ARHGEF3: variants seen among roughly 807,000 people sequenced by gnomAD.
ARHGEF3 encodes 59.8 kDA protein.
A neutral mutation model predicts 63.2 loss-of-function variants in ARHGEF3; 28 were observed. The ratio of observed to expected loss-of-function variants is 0.44; its 90% CI spans 0.33 to 0.61. The LOEUF is 0.61. Ranked by LOEUF, ARHGEF3 falls within the 20% of genes least tolerant of loss-of-function variation. The pLI, the probability that ARHGEF3 is intolerant of heterozygous loss-of-function variation, is 0.03. For synonymous variants in ARHGEF3, 266 were observed against 254.2 expected (o/e 1.05, Z -0.44); for missense variants, 533 against 659.3 (o/e 0.81, Z 2.10).
chr3:57,062,404 C>G (rs1431619960), intron 1 of ARHGEF3, among the ~76,000 whole-genome samples: 1 of 152,192 alleles, frequency 6.6e-6, no homozygotes, highest in African/African-American at 2.4e-5. Flanking sequence ...TAGGCCCAGC[C>G]AGGACCACAG....
intron 1 of ARHGEF3, among the ~76,000 whole-genome samples, chr3:57,041,684 C>T (rs1704192245): frequency 6.6e-6 from 1 of 152,234 alleles, no homozygotes; most frequent in South Asian, 2.1e-4. Context: ...CTTGCTCTGC[C>T]TCATGCTTGG....
In ARHGEF3 at chr3:56,737,255, T is replaced by A. The variant is rs1291929489; in HGVS notation, c.971A>T (p.Gln324Leu). ...AGAGCTGTCGATCAGGGAGTCTTTC[T>A]GGCCTTCTTCCAAGTAAAGAAGCCG... ...KERLLYLEEG[Q>L]KDSLIDSSRV... is the part of the protein sequence containing the mutation. Residue 324 changes from glutamine to leucine, a missense_variant, in exon 8 of 10, where the codon CAG becomes CTG. Gln to Leu is a moderately radical substitution (Grantham distance 113). Transcript: ENST00000296315. The A allele has an allele frequency of 1.9e-6, 3 of 1,614,118 alleles. No individual in the cohort carries two copies. Among genetic ancestry groups the A allele is most frequent in the South Asian group, 2.2e-5 (2 of 91,086 alleles).
At chr3:57,066,692 G>A (rs1705557388) in intron 1 of ARHGEF3, among the ~76,000 whole-genome samples, 1 of 152,254 alleles carries the variant, frequency 6.6e-6, no homozygotes, top group Non-Finnish European at 1.5e-5. Context: ...ACATTTCTGT[G>A]AAGGTATTTT....
intron 3 of ARHGEF3, among the ~76,000 whole-genome samples, chr3:56,911,933 A>T (rs546281241): frequency 6.6e-6 from 1 of 151,762 alleles, no homozygotes; most frequent in Non-Finnish European, 1.5e-5. Context: ...ACTGTCTCTA[A>T]AAGAAAAAAA....
chr3:56,821,759 T>A (rs2038502107), intron 4 of ARHGEF3, among the ~76,000 whole-genome samples: 1 of 151,946 alleles, frequency 6.6e-6, no homozygotes, highest in Non-Finnish European at 1.5e-5. Flanking sequence ...AGGTCAGAAG[T>A]TTGAGACCAG....
chr3:56,992,523 G>A (rs1158823686), intron 2 of ARHGEF3, among the ~76,000 whole-genome samples: 1 of 151,440 alleles, frequency 6.6e-6, no homozygotes, highest in African/African-American at 2.4e-5. Context: ...CCAGACACAT[G>A]CAGTGGCTAA....
chr3:56,762,510 C>T (rs764786571), intron 2 of ARHGEF3, among the ~76,000 whole-genome samples: 2 of 152,204 alleles, frequency 1.3e-5, no homozygotes, highest in East Asian at 3.9e-4. Context: ...GTGGCATGTG[C>T]GCTTTACACG....
At chr3:57,062,931 G>A (rs1317221952) in intron 1 of ARHGEF3, among the ~76,000 whole-genome samples, 5 of 152,138 alleles carry the variant, frequency 3.3e-5, no homozygotes, top group Non-Finnish European at 5.9e-5. Flanking sequence ...CTGCCCTCAT[G>A]GAATTTACAT....
At chr3:56,903,042 T>C (rs1465076858) in intron 3 of ARHGEF3, among the ~76,000 whole-genome samples, 1 of 149,376 alleles carries the variant, frequency 6.7e-6, no homozygotes. Flanking sequence ...ATACAGAATT[T>C]GCTTCTGTGT....
At chr3:56,877,104 C>A (rs917500189) in intron 4 of ARHGEF3, among the ~76,000 whole-genome samples, 1 of 152,152 alleles carries the variant, frequency 6.6e-6, no homozygotes, top group Non-Finnish European at 1.5e-5. Flanking sequence ...ACTCTTTTAG[C>A]CAGGAATTTC....
chr3:56,950,540 C>T (rs1045615600), intron 3 of ARHGEF3, among the ~76,000 whole-genome samples: 1 of 152,082 alleles, frequency 6.6e-6, no homozygotes, highest in Admixed American at 6.5e-5. Flanking sequence ...TGCTCATCAT[C>T]ACTGGCCATC....
At chr3:56,932,367 T>C (rs531397873) in intron 3 of ARHGEF3, among the ~76,000 whole-genome samples, 1 of 152,308 alleles carries the variant, frequency 6.6e-6, no homozygotes, top group South Asian at 2.1e-4. Flanking sequence ...TTTCTTTTAA[T>C]CCTCTCAAGT....
chr3:56,928,232 A>G (rs1290717127), intron 3 of ARHGEF3, among the ~76,000 whole-genome samples: 1 of 152,178 alleles, frequency 6.6e-6, no homozygotes, highest in African/African-American at 2.4e-5. Flanking sequence ...TCTACTATAT[A>G]CCAGGCACCA....
rs1407349375 is a variant in ARHGEF3 at position 56,773,689 on chromosome 3, GCCCTGTGT to G, written c.204+12_204+19del. 1 of 1,548,646 alleles carries G rather than the reference GCCCTGTGT, an allele frequency of 6.5e-7. No individual in the cohort carries two copies. The highest frequency in any genetic ancestry group is 2.2e-5 in the Admixed American group (1 of 44,996). On this transcript the variant is annotated intron_variant, in intron 2 of 9. Transcript: ENST00000296315. ...ACACCATGATTTTCTGCAACCACAG[GCCCTGTGT>G]GCCCTTCTTACCTGCAGGGTTTGAC...
chr3:56,907,497 C>A (rs920728042), intron 3 of ARHGEF3, among the ~76,000 whole-genome samples: 1 of 152,162 alleles, frequency 6.6e-6, no homozygotes, highest in African/African-American at 2.4e-5. Flanking sequence ...TATCATTCAA[C>A]CCAGCAATCC....
chr3:56,732,021 A>G, intron 9 of ARHGEF3: 2 of 615,942 alleles, frequency 3.2e-6, no homozygotes, highest in Non-Finnish European at 5.7e-6. Flanking sequence ...CCTTATAACA[A>G]TCTTATGAAG....
intron 2 of ARHGEF3, among the ~76,000 whole-genome samples, chr3:57,000,573 G>A (rs750386481): frequency 3.3e-5 from 5 of 151,930 alleles, no homozygotes; most frequent in East Asian, 1.9e-4. Context: ...TCACTCTGTC[G>A]CCCAGGCTGA....
chr3:56,834,971 T>A (rs1263442397), intron 4 of ARHGEF3, among the ~76,000 whole-genome samples: 1 of 152,150 alleles, frequency 6.6e-6, no homozygotes, highest in African/African-American at 2.4e-5. Flanking sequence ...ACCTTTATTT[T>A]ATAATTTTCT....
intron 1 of ARHGEF3, among the ~76,000 whole-genome samples, chr3:57,065,209 C>T (rs1361796287): frequency 6.6e-6 from 1 of 152,214 alleles, no homozygotes; most frequent in Non-Finnish European, 1.5e-5. Flanking sequence ...CGCCTGTAAT[C>T]CCAGCACTTC....
Sources: gnomAD v4.1 joint callset for allele counts (sites outside exome capture counted in the v4.1 genomes callset) on GRCh38, gnomAD v4.1.1 for gene constraint, MANE v1.5 for transcripts, NCBI Gene and HGNC (gene_info 2026-07-23, HGNC 2026-07-21) for gene names.